The following KIAA1217 variants were observed in gnomAD, a reference collection of about 807,000 sequenced individuals.
The protein encoded by KIAA1217 is sickle tail protein homolog.
A neutral mutation model predicts 163.9 loss-of-function variants in KIAA1217; 88 were observed. The ratio of observed to expected loss-of-function variants is 0.54; its 90% CI spans 0.45 to 0.64. The LOEUF (loss-of-function observed/expected upper bound fraction) is 0.64, where lower values mean the gene tolerates loss of function less well. Ranked by LOEUF, KIAA1217 falls within the 30% of genes least tolerant of loss-of-function variation. The pLI, the probability that KIAA1217 is intolerant of heterozygous loss-of-function variation, is 0.00. For synonymous variants in KIAA1217, 903 were observed against 923.1 expected, an observed-to-expected ratio of 0.98 and a Z score of 0.39; for missense variants, 2,372 against 2,475.0, an observed-to-expected ratio of 0.96 and a Z score of 0.88.
intron 1 of KIAA1217, among the ~76,000 whole-genome samples, chr10:23,798,912 T>A (rs542009166): frequency 5.9e-5 from 9 of 152,200 alleles, no homozygotes; most frequent in African/African-American, 2.2e-4. Flanking sequence ...ACAAACAGAG[T>A]GTCTCAAACA....
chr10:23,892,502 T>G (rs1841457699), intron 1 of KIAA1217, among the ~76,000 whole-genome samples: 1 of 151,950 alleles, frequency 6.6e-6, no homozygotes, highest in Non-Finnish European at 1.5e-5. Flanking sequence ...GTTCAATGTC[T>G]GCTTGCCTCA....
chr10:23,870,941 C>T (rs950557888), intron 1 of KIAA1217, among the ~76,000 whole-genome samples: 3 of 151,704 alleles, frequency 2.0e-5, no homozygotes, highest in Non-Finnish European at 2.9e-5. Flanking sequence ...TGACTAAGGT[C>T]ACATGGCTAC....
intron 3 of KIAA1217, among the ~76,000 whole-genome samples, chr10:24,404,368 A>G (rs1591651597): frequency 6.6e-6 from 1 of 151,996 alleles, no homozygotes; most frequent in Non-Finnish European, 1.5e-5. Context: ...GGAGATGGAG[A>G]CCCTCCTGGC....
At chr10:24,093,896 C>T (rs777183415) in intron 2 of KIAA1217, among the ~76,000 whole-genome samples, 4 of 147,290 alleles carry the variant, frequency 2.7e-5, no homozygotes, top group Admixed American at 1.4e-4. Context: ...TGAGAATATG[C>T]GGTGTTTGGT....
intron 2 of KIAA1217, among the ~76,000 whole-genome samples, chr10:24,342,292 T>G (rs370822040): frequency 6.6e-5 from 10 of 152,238 alleles, no homozygotes; most frequent in African/African-American, 2.4e-4. Context: ...TAGAAGACTG[T>G]GACAACAGAG....
intron 2 of KIAA1217, among the ~76,000 whole-genome samples, chr10:24,112,009 C>T (rs866470609): frequency 3.9e-5 from 6 of 152,132 alleles, no homozygotes; most frequent in East Asian, 1.9e-4. Flanking sequence ...CTATGTTGCC[C>T]GGGCTGGTTT....
intron 1 of KIAA1217, among the ~76,000 whole-genome samples, chr10:23,739,034 A>G (rs923850957): frequency 2.6e-5 from 4 of 152,236 alleles, no homozygotes; most frequent in Admixed American, 2.0e-4. Flanking sequence ...TAAAGAAAAT[A>G]TGATATATAT....
chr10:24,492,909 G>A (rs1003823243), intron 6 of KIAA1217, among the ~76,000 whole-genome samples: 3 of 151,658 alleles, frequency 2.0e-5, no homozygotes, highest in Non-Finnish European at 4.4e-5. Flanking sequence ...GCAGTGGCGC[G>A]ATCTCAGCTC....
At chr10:24,371,330 C>A (rs960941252) in intron 2 of KIAA1217, among the ~76,000 whole-genome samples, 2 of 152,178 alleles carry the variant, frequency 1.3e-5, no homozygotes, top group Non-Finnish European at 2.9e-5. Flanking sequence ...AAAAAGAATA[C>A]TGTATCATCT....
upstream of KIAA1217, among the ~76,000 whole-genome samples, chr10:24,204,144 G>A (rs1266250522): frequency 1.3e-5 from 2 of 152,216 alleles, no homozygotes; most frequent in Non-Finnish European, 2.9e-5. Flanking sequence ...GGAGTAGCAG[G>A]AGAGTTCCAA....
intron 2 of KIAA1217, among the ~76,000 whole-genome samples, chr10:24,118,094 C>T (rs192046209): frequency 6.7e-6 from 1 of 149,476 alleles, no homozygotes; most frequent in African/African-American, 2.5e-5. Context: ...CAAACCCTGA[C>T]GTGAATTTAC....
intron 2 of KIAA1217, among the ~76,000 whole-genome samples, chr10:24,041,725 C>T (rs558736047): frequency 7.9e-5 from 12 of 152,152 alleles, no homozygotes; most frequent in Non-Finnish European, 1.5e-4. Context: ...ATTCGTTTCA[C>T]GGTCACCTCT....
chr10:23,948,411 T>A (rs1844159135), intron 1 of KIAA1217, among the ~76,000 whole-genome samples: 1 of 152,342 alleles, frequency 6.6e-6, no homozygotes, highest in Admixed American at 6.5e-5. Context: ...TTGAAGGTCA[T>A]GTTCAATGCC....
At chr10:24,535,627 A>G (rs1407350070) in intron 16 of KIAA1217, among the ~76,000 whole-genome samples, 1 of 152,012 alleles carries the variant, frequency 6.6e-6, no homozygotes, top group African/African-American at 2.4e-5. Context: ...CTACAAAAAA[A>G]TCAGCCAGGC....
intron 2 of KIAA1217, among the ~76,000 whole-genome samples, chr10:24,254,012 C>T (rs17583120): frequency 0.26 from 39,698 of 152,126 alleles, 6,078 homozygotes; most frequent in Non-Finnish European, 0.34. Flanking sequence ...AAACAGGATA[C>T]GTGTGTCATG....
Position 24,195,667 on chromosome 10 carries a change from A to G in KIAA1217, c.-170-23959A>G, listed in dbSNP as rs12241126. On this transcript the variant is annotated intron_variant, in intron 2 of 18. Transcript: ENST00000376462. ...AAATCTGATGACAGCGAGATACTGA[A>G]TGAGAATTGTTTTTAATCCGCCAGG... 9.7e-3 allele frequency among the ~76,000 whole-genome samples: 1,472 copies of G among 152,316 alleles called. 22 individuals are homozygous for G. Among genetic ancestry groups the G allele is most frequent in the African/African-American group, 0.032 (1,346 of 41,574 alleles).
At chr10:23,696,942 C>T (rs1836083409) in intron 1 of KIAA1217, among the ~76,000 whole-genome samples, 1 of 152,092 alleles carries the variant, frequency 6.6e-6, no homozygotes, top group Non-Finnish European at 1.5e-5. Flanking sequence ...GCTAGGGGAA[C>T]ATGTCAAGAA....
chr10:24,472,330 C>A lies in KIAA1217; in HGVS notation c.847-898C>A, dbSNP rs2063613456. Among the ~76,000 whole-genome samples the A allele has an allele frequency of 2.0e-5, 3 of 152,172 alleles. No individual in the cohort carries two copies. The South Asian group carries it at 6.2e-4, about 32-fold the overall frequency. On this transcript the variant is annotated intron_variant, in intron 5 of 20. Coordinates refer to ENST00000376454, the MANE Select transcript of KIAA1217 (RefSeq NM_019590.5). ...TTATTGCTTAATTATTTCCTTCCAGCCTCTCCATGCTGATTTCTCATAGGC... is the reference window on the plus strand; with the variant it reads ...TTATTGCTTAATTATTTCCTTCCAGACTCTCCATGCTGATTTCTCATAGGC...
intron 1 of KIAA1217, among the ~76,000 whole-genome samples, chr10:23,816,982 T>C (rs969262175): frequency 2.0e-5 from 3 of 152,230 alleles, no homozygotes; most frequent in African/African-American, 7.2e-5. Flanking sequence ...CTGCCAAGAA[T>C]TTGAAATAAC....
Sources: allele counts gnomAD v4.1 joint callset (sites outside exome capture counted in the v4.1 genomes callset), GRCh38; gene constraint gnomAD v4.1.1; transcripts MANE v1.5; gene names NCBI Gene and HGNC (gene_info 2026-07-23, HGNC 2026-07-21).